Variants in ATP1B1 observed in about 807,000 individuals in gnomAD.
ATP1B1 encodes ATPase Na+/K+ transporting subunit beta 1.
ATP1B1 carries 3 observed loss-of-function variants against 39.6 expected under a neutral mutation model. That is an observed-to-expected ratio of 0.08 (90% CI 0.03 to 0.20). The LOEUF (loss-of-function observed/expected upper bound fraction) is 0.20. ATP1B1 is among the 10% of genes least tolerant of loss of function. ATP1B1 has a pLI of 1.00. For synonymous variants in ATP1B1, 139 were observed against 135.0 expected (o/e 1.03, Z -0.20); for missense variants, 216 against 371.1 (o/e 0.58, Z 3.43).
intron 2 of ATP1B1, among the ~76,000 whole-genome samples, chr1:169,118,500 C>CT (rs1051283603): frequency 7.2e-5 from 11 of 152,160 alleles, no homozygotes; most frequent in African/African-American, 2.7e-4. Context: ...GCAAAGGCGC[C>CT]TTTTTTCTGT....
intron 2 of ATP1B1, among the ~76,000 whole-genome samples, chr1:169,118,756 G>A (rs1657911269): frequency 6.6e-6 from 1 of 152,116 alleles, no homozygotes; most frequent in African/African-American, 2.4e-5. Flanking sequence ...AACTCGGAAT[G>A]TATAGGAGAC....
chr1:169,118,785 T>C, intron 2 of ATP1B1, among the ~76,000 whole-genome samples: 1 of 152,222 alleles, frequency 6.6e-6, no homozygotes, highest in East Asian at 1.9e-4. Context: ...TGTGCATGGC[T>C]ACATTTAAAA....
chr1:169,132,172 G>T lies in ATP1B1; in HGVS notation c.*617G>T. The T allele has an allele frequency of 1.6e-6, 1 of 639,266 alleles. No homozygotes were observed. Among genetic ancestry groups the T allele is most frequent in the Non-Finnish European group, 2.9e-6 (1 of 339,582 alleles). The allele number at this position is 639,266 out of a possible 1,614,324, so 39.6% of individuals were successfully genotyped here. A position where few individuals can be genotyped will look rare whatever the true frequency, so the allele number is the denominator to read the frequency against. On this transcript the variant is annotated 3_prime_UTR_variant, in exon 6 of 6. Coordinates refer to ENST00000367815, the MANE Select transcript of ATP1B1 (RefSeq NM_001677.4). ...GGCTGGGGTGGGGGTTTGTCATGGG[G>T]GAACTGCCCTTTAAATTTTAAGTGA...
rs772724723 is a variant in ATP1B1 at position 169,131,041 on chromosome 1, A to G, written c.649-251A>G. ...AACAGCAAGGTGTTTCTGCCTTTCAATGTTGGCCTTGTTTCTAGGAGGCTT... is the reference window on the plus strand; with the variant it reads ...AACAGCAAGGTGTTTCTGCCTTTCAGTGTTGGCCTTGTTTCTAGGAGGCTT... On this transcript the variant is annotated intron_variant, in intron 5 of 5. Transcript: ENST00000367815. This position sits in a 1 kb window ranked among gnomAD's most constrained non-coding sequence, Gnocchi z 4.4. 7.2e-5 allele frequency among the ~76,000 whole-genome samples: 11 copies of G among 152,324 alleles called. No homozygotes were observed. Among genetic ancestry groups the G allele is most frequent in the Admixed American group, 2.0e-4 (3 of 15,292 alleles).
intron 1 of ATP1B1, 38 bp downstream of exon 1, chr1:169,106,964 G>C: frequency 1.9e-6 from 3 of 1,541,060 alleles, no homozygotes; most frequent in African/African-American, 1.4e-5. Context: ...CGCCGCGTCT[G>C]ATCTTTCCCG....
chr1:169,111,107 T>TA (rs1259598062), intron 1 of ATP1B1, among the ~76,000 whole-genome samples: 1 of 152,088 alleles, frequency 6.6e-6, no homozygotes, highest in Non-Finnish European at 1.5e-5. Context: ...ATTTAGGGAA[T>TA]AAAAAAATAT....
intron 2 of ATP1B1, among the ~76,000 whole-genome samples, chr1:169,114,145 GCA>G (rs1657788843): frequency 4.4e-5 from 5 of 112,688 alleles, no homozygotes; most frequent in Admixed American, 9.1e-5. Flanking sequence ...ACCCTCCTTG[GCA>G]TTTTTCAATG....
At chr1:169,121,609 T>C (rs1657981965) in intron 2 of ATP1B1, among the ~76,000 whole-genome samples, 1 of 152,280 alleles carries the variant, frequency 6.6e-6, no homozygotes, top group Non-Finnish European at 1.5e-5. Flanking sequence ...GAGCAGCCAC[T>C]GGAAGAGAGA....
At chr1:169,123,575 ATCTC>A (rs1315031887) in intron 2 of ATP1B1, among the ~76,000 whole-genome samples, 1 of 60,562 alleles carries the variant, frequency 1.7e-5, no homozygotes, top group Non-Finnish European at 5.5e-5. Context: ...GTTAAACTAT[ATCTC>A]TCTCTCTATA....
intron 2 of ATP1B1, among the ~76,000 whole-genome samples, chr1:169,116,577 G>A (rs1657851772): frequency 6.6e-6 from 1 of 152,124 alleles, no homozygotes; most frequent in African/African-American, 2.4e-5. Flanking sequence ...GGGGCCTGGC[G>A]CAGTGGCTCA....
intron 2 of ATP1B1, 29 bp from the exon 3 acceptor site, chr1:169,124,855 A>G (rs772333448): frequency 4.4e-5 from 70 of 1,603,774 alleles, no homozygotes; most frequent in South Asian, 1.7e-4. Context: ...CTGCCTTCCT[A>G]CTAATGTTTT....
intron 2 of ATP1B1, among the ~76,000 whole-genome samples, chr1:169,112,459 G>T (rs563072729): frequency 3.9e-5 from 6 of 152,376 alleles, no homozygotes; most frequent in African/African-American, 1.4e-4. Flanking sequence ...TGAAGCTGCT[G>T]CTGAGGGATG....
At chr1:169,119,310 A>C (rs746990494) in intron 2 of ATP1B1, among the ~76,000 whole-genome samples, 15 of 152,350 alleles carry the variant, frequency 9.8e-5, no homozygotes, top group Non-Finnish European at 1.3e-4. Context: ...ATATAGCTTA[A>C]GGCAAATGAT....
At chr1:169,122,134 G>A (rs941609379) in intron 2 of ATP1B1, among the ~76,000 whole-genome samples, 6 of 152,126 alleles carry the variant, frequency 3.9e-5, no homozygotes, top group African/African-American at 1.4e-4. Context: ...CTGCCTGAGC[G>A]ATGCACAGGC....
intron 1 of ATP1B1, chr1:169,110,509 G>C: frequency 1.8e-6 from 1 of 563,666 alleles, no homozygotes; most frequent in Non-Finnish European, 2.7e-6. Flanking sequence ...TAATCAGGGA[G>C]ATAATCCTTG....
intron 2 of ATP1B1, among the ~76,000 whole-genome samples, chr1:169,122,654 A>T (rs866037501): frequency 6.6e-6 from 1 of 151,572 alleles, no homozygotes; most frequent in Non-Finnish European, 1.5e-5. Flanking sequence ...TTATGAGCAA[A>T]TTCTGCTACT....
At chr1:169,127,669 C>A (rs1571227641) in intron 4 of ATP1B1, among the ~76,000 whole-genome samples, 1 of 151,998 alleles carries the variant, frequency 6.6e-6, no homozygotes, top group African/African-American at 2.4e-5. Context: ...TCTTAATACT[C>A]CTGCTCAGTA....
At chr1:169,112,830 G>T (rs755316851) in intron 2 of ATP1B1, among the ~76,000 whole-genome samples, 7 of 152,186 alleles carry the variant, frequency 4.6e-5, no homozygotes, top group Non-Finnish European at 8.8e-5. Flanking sequence ...TCCAGCAACT[G>T]TTTTCCACAA....
intron 2 of ATP1B1, among the ~76,000 whole-genome samples, chr1:169,117,492 A>G (rs1159504404): frequency 6.6e-6 from 1 of 152,216 alleles, no homozygotes; most frequent in Admixed American, 6.5e-5. Context: ...CTTACATTGT[A>G]TGCCCATTGT....
Sources: gnomAD v4.1 joint callset for allele counts (sites outside exome capture counted in the v4.1 genomes callset) on GRCh38, gnomAD v4.1.1 for gene constraint, Gnocchi (gnomAD v3.1) non-coding constraint, MANE v1.5 for transcripts, NCBI Gene and HGNC (gene_info 2026-07-23, HGNC 2026-07-21) for gene names.